The following PRTG variants were observed in gnomAD, a reference collection of about 807,000 sequenced individuals.
PRTG encodes protogenin, also known as immunoglobulin superfamily, DCC subclass, member 5.
Under a neutral mutation model 122.5 loss-of-function variants are expected in PRTG, and 67 were observed. The ratio of observed to expected loss-of-function variants is 0.55; its 90% CI spans 0.45 to 0.67. The LOEUF (loss-of-function observed/expected upper bound fraction) is 0.67. PRTG is among the 30% of genes least tolerant of loss of function. The pLI, the probability that PRTG is intolerant of heterozygous loss-of-function variation, is 0.00. For missense variants in PRTG, 1,435 were observed against 1,415.4 expected (o/e 1.01, Z -0.22); for synonymous variants, 554 against 501.1 (o/e 1.11, Z -1.41).
chr15:55,681,605 A>T (rs556669031), intron 4 of PRTG: 3 of 152,062 alleles, frequency 2.0e-5, no homozygotes, highest in Non-Finnish European at 2.9e-5. Context: ...TTTAACTTTT[A>T]TTTTTGTGTT....
chr15:55,735,895 G>C (rs1291809667), intron 2 of PRTG, among the ~76,000 whole-genome samples: 1 of 152,034 alleles, frequency 6.6e-6, no homozygotes, highest in Non-Finnish European at 1.5e-5. Context: ...CAGACTTTAA[G>C]AACCAAATGT....
intron 10 of PRTG, 103 bp from the exon 11 acceptor site, chr15:55,672,736 G>A (rs1043765000): frequency 5.6e-5 from 43 of 768,206 alleles, no homozygotes; most frequent in Non-Finnish European, 7.8e-5. Context: ...ATTACCAAAA[G>A]GTTCAATCCA....
At chr15:55,640,707 C>A (rs564483289) in intron 12 of PRTG, among the ~76,000 whole-genome samples, 3 of 151,966 alleles carry the variant, frequency 2.0e-5, no homozygotes, top group African/African-American at 7.2e-5. Flanking sequence ...TTACTGAGCA[C>A]CTATTTGTTT....
At chr15:55,678,120 T>C in intron 7 of PRTG, 76 bp from the exon 8 acceptor site, 3 of 803,142 alleles carry the variant, frequency 3.7e-6, no homozygotes, top group African/African-American at 1.7e-5. Flanking sequence ...TATTGCTAAA[T>C]ATACTCTCAT....
At chr15:55,739,121 C>T (rs2031531155) in intron 2 of PRTG, among the ~76,000 whole-genome samples, 1 of 151,992 alleles carries the variant, frequency 6.6e-6, no homozygotes, top group African/African-American at 2.4e-5. Context: ...ATCCTTATTG[C>T]AGAATAAAAT....
At chr15:55,654,188 T>C (rs191994154) in intron 11 of PRTG, among the ~76,000 whole-genome samples, 125 of 152,310 alleles carry the variant, frequency 8.2e-4, no homozygotes, top group African/African-American at 2.8e-3. Context: ...TGGCCCCATT[T>C]GGTAAGATGA....
Position 55,641,115 on chromosome 15 carries a change from A to G in PRTG, c.2135T>C (p.Val712Ala), listed in dbSNP as rs1476856418. 1.2e-6 allele frequency: 2 copies of G among 1,609,832 alleles called. No individual in the cohort carries two copies. The highest frequency in any genetic ancestry group is 4.5e-5 in the East Asian group (2 of 44,860). Residue 712 changes from valine (V) to alanine (A), a missense_variant and splice_region_variant, in exon 12 of 20, where the codon GTG (valine) becomes GCG (alanine). Val to Ala is a moderately conservative substitution (Grantham distance 64). Coordinates refer to ENST00000389286, the MANE Select transcript of PRTG (RefSeq NM_173814.6). ...AAACTGCCATGGCTTTCACTTACAC[A>G]CGCATCCTGGAGTGCTGACAGTCTG... ...ADQTVSTPGC[V>A]SVRDRMVPPP...
At chr15:55,670,056 T>C (rs1010964154) in intron 11 of PRTG, among the ~76,000 whole-genome samples, 13 of 152,218 alleles carry the variant, frequency 8.5e-5, no homozygotes, top group Admixed American at 2.0e-4. Context: ...GTTTTAAAAG[T>C]TGACTATAGT....
At chr15:55,717,625 G>T (rs1161021826) in intron 2 of PRTG, among the ~76,000 whole-genome samples, 3 of 152,148 alleles carry the variant, frequency 2.0e-5, no homozygotes, top group Non-Finnish European at 4.4e-5. Flanking sequence ...TATGTAGTGG[G>T]ACACAATACA....
intron 2 of PRTG, among the ~76,000 whole-genome samples, chr15:55,708,389 A>T (rs2030236588): frequency 6.6e-6 from 1 of 151,970 alleles, no homozygotes. Flanking sequence ...CGGGTGGATC[A>T]TGAGGTCAGG....
intron 11 of PRTG, among the ~76,000 whole-genome samples, chr15:55,663,384 C>G (rs763791870): frequency 2.6e-5 from 4 of 152,010 alleles, no homozygotes; most frequent in African/African-American, 7.3e-5. Context: ...TTGTATGGTC[C>G]TATTTAACGC....
intron 15 of PRTG, among the ~76,000 whole-genome samples, chr15:55,634,157 TC>T (rs2059243523): frequency 6.7e-6 from 1 of 148,998 alleles, no homozygotes; most frequent in South Asian, 2.1e-4. Flanking sequence ...AACCTCTGTC[TC>T]CTGGGTTCAA....
chr15:55,738,050 AC>A (rs1231895100), intron 2 of PRTG, among the ~76,000 whole-genome samples: 4 of 111,154 alleles, frequency 3.6e-5, no homozygotes, highest in African/African-American at 1.4e-4. Context: ...ACACACACAC[AC>A]CACACACACT....
At chr15:55,717,385 GAT>G (rs1376054423) in intron 2 of PRTG, among the ~76,000 whole-genome samples, 1 of 152,238 alleles carries the variant, frequency 6.6e-6, no homozygotes, top group East Asian at 1.9e-4. Context: ...TTCTCTTGAT[GAT>G]TTATGAGATG....
At chr15:55,702,313 G>C (rs1027299393) in intron 2 of PRTG, among the ~76,000 whole-genome samples, 2 of 152,212 alleles carry the variant, frequency 1.3e-5, no homozygotes, top group African/African-American at 4.8e-5. Context: ...AGGAGCTTAG[G>C]ATATCTTGTT....
intron 2 of PRTG, among the ~76,000 whole-genome samples, chr15:55,720,085 G>T (rs1256232677): frequency 2.7e-5 from 4 of 148,140 alleles, no homozygotes; most frequent in African/African-American, 1.0e-4. Context: ...GAAAAGAAAA[G>T]AAAAAACTGT....
In PRTG at chr15:55,619,987, A is replaced by C; in HGVS notation, c.*25T>G. ...CACACTTCCTCAATGCGGAATCTCC[A>C]CCTGAATCACTGCCAGTGAAAGAAT... On this transcript the variant is annotated 3_prime_UTR_variant, in exon 20 of 20. Coordinates refer to ENST00000389286, the MANE Select transcript of PRTG (RefSeq NM_173814.6). 1 of 1,612,776 alleles carries C rather than the reference A, an allele frequency of 6.2e-7. No individual in the cohort carries two copies. Among genetic ancestry groups the C allele is most frequent in the Non-Finnish European group, 8.5e-7 (1 of 1,179,274 alleles).
At chr15:55,674,823 C>G (rs1240980737) in intron 9 of PRTG, among the ~76,000 whole-genome samples, 1 of 152,056 alleles carries the variant, frequency 6.6e-6, no homozygotes, top group Admixed American at 6.6e-5. Flanking sequence ...CATTCCCCTT[C>G]ACATTGCAGG....
chr15:55,703,156 T>G (rs2029956427), intron 2 of PRTG, among the ~76,000 whole-genome samples: 1 of 152,192 alleles, frequency 6.6e-6, no homozygotes, highest in African/African-American at 2.4e-5. Flanking sequence ...TTTGAGTACT[T>G]CTTCAGGATT....
Sources: allele counts gnomAD v4.1 joint callset (sites outside exome capture counted in the v4.1 genomes callset), GRCh38; gene constraint gnomAD v4.1.1; transcripts MANE v1.5; gene names NCBI Gene and HGNC (gene_info 2026-07-23, HGNC 2026-07-21).